ULBP1: variants seen among roughly 807,000 people sequenced by gnomAD.
The protein encoded by ULBP1 is UL16-binding protein 1.
In ULBP1, 28 loss-of-function variants were observed where a neutral mutation model predicts 25.3. The observed-to-expected ratio is 1.10, with a 90% CI of 0.82 to 1.51. The LOEUF (loss-of-function observed/expected upper bound fraction) is 1.51. Ranked by LOEUF, ULBP1 falls within the 40% of genes most tolerant of loss-of-function variation. ULBP1 has a pLI of 0.00. For synonymous variants in ULBP1, 129 were observed against 103.0 expected (o/e 1.25, Z -1.53); for missense variants, 348 against 290.9 (o/e 1.20, Z -1.43).
intron 1 of ULBP1, among the ~76,000 whole-genome samples, chr6:149,968,126 G>T (rs543493002): frequency 6.6e-6 from 1 of 152,148 alleles, no homozygotes; most frequent in Non-Finnish European, 1.5e-5. Flanking sequence ...CTGGGGCTTT[G>T]CCAACGTGTT....
At chr6:149,969,432 C>G in intron 3 of ULBP1, 72 bp downstream of exon 3, 10 of 1,549,830 alleles carry the variant, frequency 6.5e-6, no homozygotes, top group Non-Finnish European at 8.8e-6. Flanking sequence ...TGTGTGAGTG[C>G]GTGTGTGTGT....
chr6:149,965,228 A>ACCCGAACATCGCGGCCTC (rs1779183849), intron 1 of ULBP1, among the ~76,000 whole-genome samples: 6 of 45,794 alleles, frequency 1.3e-4, no homozygotes, highest in Admixed American at 1.1e-3. Flanking sequence ...ATCGCGGTCT[A>ACCCGAACATCGCGGCCTC]CCCGAACATC....
intron 1 of ULBP1, among the ~76,000 whole-genome samples, chr6:149,964,562 G>T (rs755866417): frequency 1.3e-4 from 19 of 148,288 alleles, no homozygotes; most frequent in Non-Finnish European, 1.2e-4. Flanking sequence ...CGAGCAACGC[G>T]ATCTCCCCGA....
chr6:149,969,940 G>T (rs1779283766), intron 3 of ULBP1, 76 bp from the exon 4 acceptor site: 10 of 1,521,956 alleles, frequency 6.6e-6, no homozygotes, highest in Admixed American at 2.0e-5. Context: ...ATGACCTGGG[G>T]TGGCAGGAGC....
intron 1 of ULBP1, among the ~76,000 whole-genome samples, chr6:149,968,365 G>A (rs1275757784): frequency 6.6e-6 from 1 of 152,222 alleles, no homozygotes; most frequent in Non-Finnish European, 1.5e-5. Context: ...CACAGAGCAG[G>A]TGGGACATGT....
Position 149,973,575 on chromosome 6 carries a change from A to G in ULBP1, c.*2229A>G, listed in dbSNP as rs578078980. ...GCACTATGAACCCAAACCCAGCTCAAAAAGATAAAATCTAGTCATTTAAGA... is the reference window on the plus strand; with the variant it reads ...GCACTATGAACCCAAACCCAGCTCAGAAAGATAAAATCTAGTCATTTAAGA... On this transcript the variant is annotated 3_prime_UTR_variant, in exon 5 of 5. Coordinates refer to ENST00000229708, the MANE Select transcript of ULBP1 (RefSeq NM_025218.4). The G allele has an allele frequency of 6.6e-6, 1 of 152,244 alleles. No homozygotes were observed. The highest frequency in any genetic ancestry group is 6.5e-5 in the Admixed American group (1 of 15,288). 9.4% of individuals were successfully genotyped at this position (152,244 alleles called of 1,614,324 possible).
intron 1 of ULBP1, among the ~76,000 whole-genome samples, chr6:149,968,077 G>A (rs1025359046): frequency 6.6e-6 from 1 of 152,182 alleles, no homozygotes; most frequent in African/African-American, 2.4e-5. Context: ...CCTTTACAAG[G>A]TTCCAGAAAT....
intron 1 of ULBP1, 133 bp downstream of exon 1, chr6:149,964,267 C>A: frequency 1.0e-6 from 1 of 1,001,116 alleles, no homozygotes; most frequent in Non-Finnish European, 1.5e-6. Context: ...GCGGTCTCCC[C>A]GAACGTCGCG....
chr6:149,969,881 C>T, intron 3 of ULBP1, 135 bp from the exon 4 acceptor site: 1 of 1,204,954 alleles, frequency 8.3e-7, no homozygotes, highest in Admixed American at 2.5e-5. Context: ...CAAGACTTGT[C>T]CCAGAGGTTG....
rs530612342 is a variant in ULBP1 at position 149,964,062 on chromosome 6, G to A, written c.13G>A (p.Ala5Thr). The change falls in exon 1 of 5, where the codon GCC becomes ACC. Residue 5 changes from alanine (A) to threonine (T), a missense_variant. Coordinates refer to ENST00000229708, the MANE Select transcript of ULBP1 (RefSeq NM_025218.4). Reference sequence around the variant, plus strand: ...CTCCAGGTCTACAATGGCAGCGGCCGCCAGCCCCGCGTTCCTTCTGTGCCT... The same window carrying A: ...CTCCAGGTCTACAATGGCAGCGGCCACCAGCCCCGCGTTCCTTCTGTGCCT... Reference protein sequence around the residue: MAAAASPAFLLCLPL... With the variant: MAAATSPAFLLCLPL... 8 of 1,614,168 alleles carry A rather than the reference G, an allele frequency of 5.0e-6. No individual in the cohort carries two copies. The highest frequency in any genetic ancestry group is 6.8e-6 in the Non-Finnish European group (8 of 1,180,030).
rs1373734753 is a variant in ULBP1, at chr6:149,970,909, T to C, written c.*23-460T>C. Among the ~76,000 whole-genome samples, 7 of 152,092 alleles carry C rather than the reference T, an allele frequency of 4.6e-5. No individual in the cohort carries two copies. In the South Asian group the frequency reaches 8.3e-4, roughly 18 times the overall value. ...ACCACTGAACTTGGCCAGGAATGAA[T>C]GGGGCAGGGCAAGGACAGTCCCATT... On this transcript the variant is annotated intron_variant, in intron 4 of 4. Coordinates refer to ENST00000229708, the MANE Select transcript of ULBP1 (RefSeq NM_025218.4).
Position 149,964,098 on chromosome 6 carries a change from C to T in ULBP1, c.49C>T (p.His17Tyr), listed in dbSNP as rs1779151155. 1 of 1,614,108 alleles carries T rather than the reference C, an allele frequency of 6.2e-7. No individual in the cohort carries two copies. The highest frequency in any genetic ancestry group is 1.7e-5 in the Admixed American group (1 of 60,010). The change falls in exon 1 of 5, where the codon CAC becomes TAC. Residue 17 changes from histidine (H) to tyrosine (Y), a missense_variant. By Grantham distance (83) the His-to-Tyr change is moderately conservative. Coordinates refer to ENST00000229708, the MANE Select transcript of ULBP1 (RefSeq NM_025218.4). The part of the protein sequence containing the change: ...PAFLLCLPLL[H>Y]LLSGWSRAGW... Reference sequence around the variant, plus strand: ...GTTCCTTCTGTGCCTCCCGCTTCTGCACCTGCTGTCTGGCTGGTCCCGGGC... The same window carrying T: ...GTTCCTTCTGTGCCTCCCGCTTCTGTACCTGCTGTCTGGCTGGTCCCGGGC...
chr6:149,964,070 C>T lies in ULBP1; in HGVS notation c.21C>T (p.Pro7=). MAAAAS[P]AFLLCLPLLH... ...CTACAATGGCAGCGGCCGCCAGCCC[C>T]GCGTTCCTTCTGTGCCTCCCGCTTC... is the stretch of plus-strand genomic sequence containing the variant. The change falls in exon 1 of 5, where the codon CCC becomes CCT. Residue 7 remains proline, a synonymous_variant. Coordinates refer to ENST00000229708, the MANE Select transcript of ULBP1 (RefSeq NM_025218.4). 1 of 1,614,220 alleles carries T rather than the reference C, an allele frequency of 6.2e-7. No homozygotes were observed. Among genetic ancestry groups the T allele is most frequent in the Non-Finnish European group, 8.5e-7 (1 of 1,180,042 alleles).
chr6:149,968,223 G>T (rs1324319644), intron 1 of ULBP1, among the ~76,000 whole-genome samples: 1 of 152,134 alleles, frequency 6.6e-6, no homozygotes, highest in East Asian at 1.9e-4. Flanking sequence ...GCATCCCAGG[G>T]CAGCTCCCAC....
At position 149,968,678 on chromosome 6, in the gene ULBP1, C is replaced by G; in HGVS notation, c.157C>G (p.Gln53Glu). The stretch of plus-strand genomic sequence containing the variant: ...ACCTGAACCACAGTGGTGTGAAGTT[C>G]AAGGCCTGGTGGATGAAAGGCCTTT... The part of the protein sequence containing the change: ...SRPEPQWCEV[Q>E]GLVDERPFLH... Residue 53 changes from glutamine to glutamate, a missense_variant, in exon 2 of 5, where the codon CAA (glutamine) becomes GAA (glutamate). Physicochemically the swap from Gln to Glu is conservative, Grantham distance 29 (BLOSUM62 2). Coordinates refer to ENST00000229708, the MANE Select transcript of ULBP1 (RefSeq NM_025218.4). 1 of 1,614,104 alleles carries G rather than the reference C, an allele frequency of 6.2e-7. No homozygotes were observed. The highest frequency in any genetic ancestry group is 8.5e-7 in the Non-Finnish European group (1 of 1,179,978).
chr6:149,968,644 T>G lies in ULBP1; in HGVS notation c.123T>G (p.Pro41=). The G allele has an allele frequency of 8.7e-6, 14 of 1,613,216 alleles. No homozygotes were observed. Among genetic ancestry groups the G allele is most frequent in the Non-Finnish European group, 1.1e-5 (13 of 1,179,212 alleles). The change falls in exon 2 of 5, where the codon CCT becomes CCG. Residue 41 remains proline (P), a synonymous_variant. Transcript: ENST00000229708. ...HCLCYDFIIT[P]KSRPEPQWCE... is the part of the protein sequence containing the mutation. The stretch of plus-strand genomic sequence containing the variant: ...TTTGCTATGACTTCATCATCACTCC[T>G]AAGTCCAGACCTGAACCACAGTGGT...
chr6:149,969,978 C>G (rs1197998016), intron 3 of ULBP1, 38 bp from the exon 4 acceptor site: 1 of 1,580,124 alleles, frequency 6.3e-7, no homozygotes, highest in Non-Finnish European at 8.6e-7. Context: ...AGATTTTGAG[C>G]CTGGACAAGG....
intron 4 of ULBP1, among the ~76,000 whole-genome samples, chr6:149,970,722 G>T (rs139142716): frequency 0.011 from 1,750 of 152,346 alleles, 41 homozygotes; most frequent in African/African-American, 0.038. Flanking sequence ...TTTAGGAAAA[G>T]GCCAGGCCCC....
At chr6:149,969,447 TTGAG>T (rs1779269920) in intron 3 of ULBP1, 87 bp downstream of exon 3, 1 of 1,521,552 alleles carries the variant, frequency 6.6e-7, no homozygotes, top group Admixed American at 1.8e-5. Context: ...GTGTGTGTGT[TTGAG>T]TGAGTATGAA....
Sources: allele counts gnomAD v4.1 joint callset (sites outside exome capture counted in the v4.1 genomes callset), GRCh38; gene constraint gnomAD v4.1.1; transcripts MANE v1.5; gene names NCBI Gene and HGNC (gene_info 2026-07-23, HGNC 2026-07-21).